SLC39A10: variants seen among roughly 807,000 people sequenced by gnomAD.
SLC39A10 encodes the protein solute carrier family 39 member 10.
Under a neutral mutation model 65.1 loss-of-function variants are expected in SLC39A10, and 13 were observed. The observed-to-expected ratio is 0.20, with a 90% CI of 0.13 to 0.32. The LOEUF (loss-of-function observed/expected upper bound fraction) is 0.32, where lower values mean the gene tolerates loss of function less well. Among genes scored for constraint, SLC39A10 ranks in the 10% least tolerant of loss-of-function variants. The pLI is 1.00. For synonymous variants in SLC39A10, 321 were observed against 342.2 expected (o/e 0.94, Z 0.68); for missense variants, 831 against 1,018.4 (o/e 0.82, Z 2.50).
intron 1 of SLC39A10, chr2:195,674,545 G>A: frequency 1.0e-6 from 1 of 981,718 alleles, no homozygotes; most frequent in Non-Finnish European, 1.2e-6. Flanking sequence ...CCAAAGTACT[G>A]GGATTATAGG....
At chr2:195,671,595 G>T (rs1689860490) in intron 1 of SLC39A10, 1 of 152,218 alleles carries the variant, frequency 6.6e-6, no homozygotes, top group South Asian at 2.1e-4. Context: ...ATAAATGTCA[G>T]TTTTTAGGGT....
intron 5 of SLC39A10, among the ~76,000 whole-genome samples, chr2:195,709,649 T>TACAG (rs34247010): frequency 0.086 from 13,138 of 152,212 alleles, 751 homozygotes; most frequent in East Asian, 0.22. Flanking sequence ...GACTTGGGAT[T>TACAG]ACAGGCATGA....
chr2:195,694,294 C>A (rs1175445188), intron 3 of SLC39A10, among the ~76,000 whole-genome samples: 1 of 152,108 alleles, frequency 6.6e-6, no homozygotes, highest in Admixed American at 6.6e-5. Context: ...GTAGAATGTT[C>A]TGTAAATATC....
intron 2 of SLC39A10, among the ~76,000 whole-genome samples, chr2:195,628,175 C>T (rs933051813): frequency 5.9e-5 from 9 of 152,150 alleles, no homozygotes; most frequent in African/African-American, 2.2e-4. Flanking sequence ...ACCCTGGGAG[C>T]TTATGAGATA....
chr2:195,643,832 C>T (rs1282786449), intron 2 of SLC39A10, among the ~76,000 whole-genome samples: 1 of 152,210 alleles, frequency 6.6e-6, no homozygotes, highest in Non-Finnish European at 1.5e-5. Context: ...GTCAGAACTT[C>T]ATTGTTACAG....
At chr2:195,627,742 G>T (rs1400938653) in intron 2 of SLC39A10, among the ~76,000 whole-genome samples, 1 of 152,202 alleles carries the variant, frequency 6.6e-6, no homozygotes, top group Non-Finnish European at 1.5e-5. Flanking sequence ...AGGAAGATGT[G>T]CATTGTATAC....
chr2:195,662,787 T>G (rs1190190134), intron 1 of SLC39A10, among the ~76,000 whole-genome samples: 1 of 152,234 alleles, frequency 6.6e-6, no homozygotes, highest in Non-Finnish European at 1.5e-5. Flanking sequence ...CAAATATCCC[T>G]GCTTCTGTAA....
intron 3 of SLC39A10, among the ~76,000 whole-genome samples, chr2:195,690,842 G>T (rs1464392556): frequency 1.3e-5 from 2 of 151,892 alleles, no homozygotes; most frequent in African/African-American, 4.8e-5. Context: ...GTTGATAATT[G>T]TCTTTTTGTT....
At chr2:195,638,742 G>A (rs1000270523) in intron 2 of SLC39A10, among the ~76,000 whole-genome samples, 5 of 152,024 alleles carry the variant, frequency 3.3e-5, no homozygotes, top group East Asian at 1.9e-4. Context: ...TTTTCTGTTC[G>A]TGTATTTGTT....
chr2:195,631,113 G>C (rs548557654), intron 2 of SLC39A10, among the ~76,000 whole-genome samples: 24 of 152,124 alleles, frequency 1.6e-4, no homozygotes, highest in Admixed American at 2.6e-4. Context: ...TTGAACCCAG[G>C]GGGTGGAGGT....
chr2:195,653,419 C>T (rs10186012), upstream of SLC39A10, among the ~76,000 whole-genome samples: 3,458 of 152,010 alleles, frequency 0.023, 121 homozygotes, highest in African/African-American at 0.078. Context: ...CTTAGCCTCC[C>T]GAGTAGCTGG....
chr2:195,714,853 T>A (rs1314026882), intron 6 of SLC39A10, among the ~76,000 whole-genome samples: 1 of 151,976 alleles, frequency 6.6e-6, no homozygotes, highest in Non-Finnish European at 1.5e-5. Context: ...CCTGGGTTCA[T>A]GCCATTCTCC....
intron 1 of SLC39A10, chr2:195,670,416 G>T (rs1294238651): frequency 6.6e-6 from 1 of 152,040 alleles, no homozygotes; most frequent in African/African-American, 2.4e-5. Context: ...TCTTTGTGCA[G>T]GGGCTATGCC....
At chr2:195,683,600 C>A in intron 2 of SLC39A10, 99 bp from the exon 3 acceptor site, 3 of 865,580 alleles carry the variant, frequency 3.5e-6, no homozygotes, top group Non-Finnish European at 5.3e-6. Context: ...AGATTATTTG[C>A]AAGTAATATT....
intron 3 of SLC39A10, among the ~76,000 whole-genome samples, chr2:195,693,431 G>A (rs1200512508): frequency 6.6e-6 from 1 of 152,156 alleles, no homozygotes; most frequent in Non-Finnish European, 1.5e-5. Context: ...ATAGAATTCA[G>A]CTGTGAATCT....
chr2:195,726,586 G>A (rs908564364), intron 8 of SLC39A10, among the ~76,000 whole-genome samples: 6 of 152,132 alleles, frequency 3.9e-5, no homozygotes, highest in African/African-American at 1.4e-4. Context: ...AGCATTAGGT[G>A]AAAACTGGAC....
chr2:195,645,684 A>G (rs185145763), intron 2 of SLC39A10, among the ~76,000 whole-genome samples: 1 of 152,268 alleles, frequency 6.6e-6, no homozygotes, highest in African/African-American at 2.4e-5. Context: ...GAAATCATAT[A>G]ATGTCTGTGT....
At chr2:195,734,534 G>A in intron 9 of SLC39A10, among the ~76,000 whole-genome samples, 1 of 152,308 alleles carries the variant, frequency 6.6e-6, no homozygotes, top group Admixed American at 6.5e-5. Flanking sequence ...GGTTTTTGGA[G>A]TGTCTTATTG....
upstream of SLC39A10, among the ~76,000 whole-genome samples, chr2:195,655,747 C>A (rs1448973561): frequency 2.0e-5 from 3 of 152,204 alleles, no homozygotes; most frequent in Non-Finnish European, 2.9e-5. Context: ...GGAGTGAGGT[C>A]CATGCTCTGG....
Sources: allele counts gnomAD v4.1 joint callset (sites outside exome capture counted in the v4.1 genomes callset), GRCh38; gene constraint gnomAD v4.1.1; transcripts MANE v1.5; gene names NCBI Gene and HGNC (gene_info 2026-07-23, HGNC 2026-07-21).